The following GMDS variants were observed in gnomAD, a reference collection of about 807,000 sequenced individuals.
The protein encoded by GMDS is GDP-mannose 4,6 dehydratase.
GMDS carries 20 observed loss-of-function variants against 49.9 expected under a neutral mutation model. The ratio of observed to expected loss-of-function variants is 0.40; its 90% CI spans 0.28 to 0.58. GMDS has a LOEUF of 0.58. GMDS is among the 20% of genes least tolerant of loss of function. The pLI is 0.42. For synonymous variants in GMDS, 177 were observed against 178.6 expected (o/e 0.99, Z 0.07); for missense variants, 362 against 481.4 (o/e 0.75, Z 2.32).
At chr6:1,806,959 T>C (rs1770202127) in intron 7 of GMDS, among the ~76,000 whole-genome samples, 1 of 152,210 alleles carries the variant, frequency 6.6e-6, no homozygotes, top group Non-Finnish European at 1.5e-5. Context: ...ATAATATGCA[T>C]ATTTGTCTTA....
chr6:2,113,583 G>A (rs750811308), intron 4 of GMDS, among the ~76,000 whole-genome samples: 23 of 151,682 alleles, frequency 1.5e-4, no homozygotes, highest in African/African-American at 2.4e-4. Flanking sequence ...TTAGTTTCCC[G>A]CTACGTCTGT....
At chr6:2,205,681 T>G (rs1779773392) in intron 1 of GMDS, among the ~76,000 whole-genome samples, 1 of 152,192 alleles carries the variant, frequency 6.6e-6, no homozygotes, top group African/African-American at 2.4e-5. Flanking sequence ...CTGGAGCCAC[T>G]GCATCTCTGC....
chr6:1,692,757 T>C (rs1267595827), intron 9 of GMDS, among the ~76,000 whole-genome samples: 3 of 152,252 alleles, frequency 2.0e-5, no homozygotes, highest in African/African-American at 7.2e-5. Context: ...GTCTTCTTTA[T>C]ATCTTCCTTC....
intron 4 of GMDS, among the ~76,000 whole-genome samples, chr6:2,105,069 C>T (rs867206813): frequency 3.3e-5 from 5 of 151,150 alleles, no homozygotes; most frequent in African/African-American, 7.3e-5. Flanking sequence ...GTAGTCCCAG[C>T]GACTCGGGAG....
intron 1 of GMDS, among the ~76,000 whole-genome samples, chr6:2,131,408 T>C (rs966380844): frequency 3.3e-5 from 5 of 151,992 alleles, no homozygotes; most frequent in African/African-American, 1.2e-4. Context: ...CTCCAATAAA[T>C]ACAGTCCCAG....
intron 4 of GMDS, among the ~76,000 whole-genome samples, chr6:2,058,566 C>G (rs1770916268): frequency 6.6e-6 from 1 of 152,088 alleles, no homozygotes. Flanking sequence ...GTAGAGAGTT[C>G]CATATAACCC....
At chr6:2,025,996 A>G (rs765363584) in intron 4 of GMDS, among the ~76,000 whole-genome samples, 2 of 152,212 alleles carry the variant, frequency 1.3e-5, no homozygotes, top group Non-Finnish European at 2.9e-5. Flanking sequence ...ACTTTTTTAC[A>G]TTACCAAATA....
intron 7 of GMDS, among the ~76,000 whole-genome samples, chr6:1,759,808 G>T (rs1234161710): frequency 6.6e-6 from 1 of 152,178 alleles, no homozygotes; most frequent in Non-Finnish European, 1.5e-5. Context: ...CTCCTAATAA[G>T]ACTGTCCCCA....
intron 4 of GMDS, among the ~76,000 whole-genome samples, chr6:2,045,090 G>T (rs1266295163): frequency 6.6e-6 from 1 of 151,712 alleles, no homozygotes; most frequent in Non-Finnish European, 1.5e-5. Flanking sequence ...TATTTCTGTG[G>T]TCACTAGCCT....
chr6:2,050,304 T>C (rs563010313), intron 4 of GMDS, among the ~76,000 whole-genome samples: 111 of 152,218 alleles, frequency 7.3e-4, no homozygotes, highest in African/African-American at 2.2e-3. Flanking sequence ...CCTGGACACA[T>C]ACACCCTCCT....
At chr6:2,173,641 A>C (rs555535584) in intron 1 of GMDS, among the ~76,000 whole-genome samples, 1 of 152,256 alleles carries the variant, frequency 6.6e-6, no homozygotes, top group African/African-American at 2.4e-5. Flanking sequence ...TCAATGATAC[A>C]GGAAAAAATA....
chr6:1,735,998 A>T (rs1429933224), intron 8 of GMDS, among the ~76,000 whole-genome samples: 1 of 152,198 alleles, frequency 6.6e-6, no homozygotes, highest in Non-Finnish European at 1.5e-5. Flanking sequence ...GTGCTGTGCC[A>T]GCTGTTTAGG....
intron 4 of GMDS, among the ~76,000 whole-genome samples, chr6:2,005,235 A>C (rs9378667): frequency 0.22 from 33,852 of 152,006 alleles, 3,916 homozygotes; most frequent in Non-Finnish European, 0.24. Flanking sequence ...ATAACGTTTT[A>C]AATTACCTCA....
At chr6:1,727,950 G>A (rs1300763945) in intron 8 of GMDS, among the ~76,000 whole-genome samples, 1 of 152,158 alleles carries the variant, frequency 6.6e-6, no homozygotes, top group South Asian at 2.1e-4. Context: ...GGGATGTTTG[G>A]TAATTTGTTT....
chr6:1,774,472 T>C (rs1367908912), intron 7 of GMDS, among the ~76,000 whole-genome samples: 1 of 152,224 alleles, frequency 6.6e-6, no homozygotes, highest in Non-Finnish European at 1.5e-5. Context: ...ATAGTTTTCA[T>C]ATTTTATAAA....
chr6:1,909,769 G>A (rs1285279902), intron 7 of GMDS, among the ~76,000 whole-genome samples: 1 of 152,116 alleles, frequency 6.6e-6, no homozygotes, highest in African/African-American at 2.4e-5. Flanking sequence ...ACAAGGCGAG[G>A]GTCACATGAT....
At chr6:1,754,335 G>A (rs1426229494) in intron 7 of GMDS, among the ~76,000 whole-genome samples, 1 of 152,164 alleles carries the variant, frequency 6.6e-6, no homozygotes, top group African/African-American at 2.4e-5. Context: ...ACTAAACCAG[G>A]AAGAAGTCAA....
intron 9 of GMDS, among the ~76,000 whole-genome samples, chr6:1,713,621 CACAT>C (rs1261202227): frequency 1.3e-5 from 2 of 152,236 alleles, no homozygotes; most frequent in East Asian, 3.8e-4. Context: ...CACACACACA[CACAT>C]ACACGTACGT....
At chr6:1,931,165 A>T (rs3800141) in intron 6 of GMDS, among the ~76,000 whole-genome samples, 16,481 of 152,238 alleles carry the variant, frequency 0.11, 949 homozygotes, top group South Asian at 0.18. Flanking sequence ...TTAATAATGG[A>T]TTCATACAGT....
Sources: allele counts gnomAD v4.1 joint callset (sites outside exome capture counted in the v4.1 genomes callset), GRCh38; gene constraint gnomAD v4.1.1; transcripts MANE v1.5; gene names NCBI Gene and HGNC (gene_info 2026-07-23, HGNC 2026-07-21).